Variants in DIAPH2 observed in about 807,000 individuals in gnomAD.
The protein encoded by DIAPH2 is protein diaphanous homolog 2.
DIAPH2 carries 35 observed loss-of-function variants against 92.7 expected under a neutral mutation model. The ratio of observed to expected loss-of-function variants is 0.38; its 90% CI spans 0.29 to 0.50. The LOEUF is 0.50. Ranked by LOEUF, DIAPH2 falls within the 20% of genes least tolerant of loss-of-function variation. The pLI is 0.94. For missense variants in DIAPH2, 701 were observed against 819.5 expected, an observed-to-expected ratio of 0.86 and a Z score of 1.77; for synonymous variants, 301 against 280.4, an observed-to-expected ratio of 1.07 and a Z score of -0.73.
chrX:97,400,357 T>C (rs180685416), intron 25 of DIAPH2, among the ~76,000 whole-genome samples: 376 of 112,284 alleles, frequency 3.3e-3, no homozygotes, highest in African/African-American at 0.012. Flanking sequence ...ATAAAGCTGG[T>C]TAGAAAGATA....
intron 4 of DIAPH2, among the ~76,000 whole-genome samples, chrX:96,803,112 A>G (rs1186429015): frequency 3.6e-5 from 4 of 110,655 alleles, no homozygotes; most frequent in Non-Finnish European, 7.6e-5. Flanking sequence ...CACTGACTCA[A>G]ATGTTAATCT....
chrX:97,129,160 CTTTTCTTT>C (rs2067118989), intron 21 of DIAPH2, among the ~76,000 whole-genome samples: 1 of 89,131 alleles, frequency 1.1e-5, no homozygotes, highest in African/African-American at 4.3e-5. Flanking sequence ...CTTTTCTTTT[CTTTTCTTT>C]CTTTTCTTTT....
chrX:97,343,922 G>T (rs2069134967), intron 23 of DIAPH2, among the ~76,000 whole-genome samples: 1 of 111,244 alleles, frequency 9.0e-6, no homozygotes, highest in African/African-American at 3.3e-5. Context: ...TCATGCCATG[G>T]ACTATTACAG....
intron 10 of DIAPH2, among the ~76,000 whole-genome samples, chrX:96,932,711 G>T (rs2065627177): frequency 9.0e-6 from 1 of 110,795 alleles, no homozygotes; most frequent in Non-Finnish European, 1.9e-5. Flanking sequence ...ACAAGAACAT[G>T]GTGTGTAATG....
Position 96,736,782 on chromosome X carries a change from A to AAT in DIAPH2, c.165+999_165+1000dup, listed in dbSNP as rs1027812037. 5.4e-5 allele frequency among the ~76,000 whole-genome samples: 6 copies of AAT among 112,131 alleles called. No individual in the cohort carries two copies. The East Asian group carries it at 1.7e-3, about 31-fold the overall frequency. On this transcript the variant is annotated intron_variant, in intron 2 of 26. Transcript: ENST00000324765. ...AACTGAAAGACACAGTGGAATATCAAATATATATGTTATTAATGCTACTCA... is the reference window on the plus strand; with the variant it reads ...AACTGAAAGACACAGTGGAATATCAAATATATATATGTTATTAATGCTACTCA...
chrX:97,438,813 G>A (rs1242226920), intron 26 of DIAPH2, among the ~76,000 whole-genome samples: 5 of 111,975 alleles, frequency 4.5e-5, no homozygotes, highest in Admixed American at 2.8e-4. Context: ...GACAGGAAAC[G>A]CTAGACACAC....
chrX:97,198,298 A>G (rs1184336941), intron 22 of DIAPH2, among the ~76,000 whole-genome samples: 2 of 107,699 alleles, frequency 1.9e-5, no homozygotes, highest in East Asian at 5.8e-4. Context: ...ACACACACAC[A>G]CACACATATG....
At chrX:97,235,325 G>T (rs1429098663) in intron 22 of DIAPH2, among the ~76,000 whole-genome samples, 1 of 111,791 alleles carries the variant, frequency 8.9e-6, no homozygotes, top group Non-Finnish European at 1.9e-5. Flanking sequence ...AACCTTTGTG[G>T]CTGGGCACAG....
chrX:96,716,354 G>T (rs1367764294), intron 1 of DIAPH2, among the ~76,000 whole-genome samples: 1 of 111,492 alleles, frequency 9.0e-6, no homozygotes, highest in Non-Finnish European at 1.9e-5. Context: ...AGGAGCAAGT[G>T]ATTTGAGTAT....
intron 1 of DIAPH2, among the ~76,000 whole-genome samples, chrX:96,688,641 T>A (rs1408733652): frequency 2.7e-5 from 3 of 112,545 alleles, no homozygotes; most frequent in Non-Finnish European, 5.6e-5. Flanking sequence ...CCAGTCTTGA[T>A]TTTTAATGAT....
intron 4 of DIAPH2, among the ~76,000 whole-genome samples, chrX:96,814,180 T>G (rs954551093): frequency 8.9e-6 from 1 of 111,897 alleles, no homozygotes; most frequent in Non-Finnish European, 1.9e-5. Context: ...GTAGATTTGG[T>G]CTTTTCACAT....
chrX:97,255,880 A>T (rs2068232187), intron 23 of DIAPH2, among the ~76,000 whole-genome samples: 1 of 111,983 alleles, frequency 8.9e-6, no homozygotes. Context: ...ATTCACCCTG[A>T]AATTACGTAC....
intron 25 of DIAPH2, among the ~76,000 whole-genome samples, chrX:97,420,433 T>G (rs2147769200): frequency 8.9e-6 from 1 of 111,795 alleles, no homozygotes; most frequent in Admixed American, 9.5e-5. Context: ...CCTAATACAG[T>G]ATTTATTCCA....
At chrX:97,121,351 C>G (rs895933039) in intron 21 of DIAPH2, among the ~76,000 whole-genome samples, 1 of 111,766 alleles carries the variant, frequency 8.9e-6, no homozygotes, top group Non-Finnish European at 1.9e-5. Context: ...TACCATATGG[C>G]CACCTTTTCA....
chrX:96,893,520 C>A (rs889337997), intron 5 of DIAPH2, among the ~76,000 whole-genome samples: 2 of 111,802 alleles, frequency 1.8e-5, no homozygotes, highest in African/African-American at 6.5e-5. Context: ...GGATATTGGA[C>A]AACAACAGTA....
intron 17 of DIAPH2, among the ~76,000 whole-genome samples, chrX:96,976,023 CCCTT>C (rs1383608678): frequency 3.1e-5 from 3 of 98,336 alleles, no homozygotes; most frequent in Non-Finnish European, 4.1e-5. Context: ...CTCCCTCCCT[CCCTT>C]CCTTCCTTCT....
chrX:97,247,897 TACTA>T, intron 23 of DIAPH2, 58 bp downstream of exon 23: 1 of 1,071,642 alleles, frequency 9.3e-7, no homozygotes, highest in Non-Finnish European at 1.3e-6. Flanking sequence ...TCTGTCTGTT[TACTA>T]ACTGTGTGGT....
At chrX:96,855,503 TA>T (rs1321463070) in intron 4 of DIAPH2, among the ~76,000 whole-genome samples, 2 of 109,742 alleles carry the variant, frequency 1.8e-5, no homozygotes, top group Admixed American at 9.8e-5. Context: ...AATGCAGCAA[TA>T]AAAAACTATG....
chrX:96,786,455 A>G (rs891620955), intron 4 of DIAPH2, among the ~76,000 whole-genome samples: 6 of 112,066 alleles, frequency 5.4e-5, no homozygotes, highest in Non-Finnish European at 1.1e-4. Flanking sequence ...ACTGATAACA[A>G]ATATAATTTA....
Sources: allele counts gnomAD v4.1 joint callset (sites outside exome capture counted in the v4.1 genomes callset), GRCh38; gene constraint gnomAD v4.1.1; transcripts MANE v1.5; gene names NCBI Gene and HGNC (gene_info 2026-07-23, HGNC 2026-07-21).